Variants in ZNF138 observed in about 807,000 individuals in gnomAD.
The protein encoded by ZNF138 is zinc finger protein 138.
In ZNF138, 33 loss-of-function variants were observed where a neutral mutation model predicts 33.0. The ratio of observed to expected loss-of-function variants is 1.00; its 90% CI spans 0.76 to 1.34. ZNF138 has a LOEUF of 1.34. ZNF138 is among the 40% of genes most tolerant of loss of function. The pLI is 0.00. For synonymous variants in ZNF138, 139 were observed against 120.4 expected (o/e 1.15, Z -1.01); for missense variants, 360 against 370.8 (o/e 0.97, Z 0.24).
chr7:64,857,724 AAACAGTGCTTTGGGCAAAAT>A, the ZNF138 span, among the ~76,000 whole-genome samples: 2 of 152,206 alleles, frequency 1.3e-5, no homozygotes, highest in Non-Finnish European at 2.9e-5. Context: ...AATTAAAAAA[AAACAGTGCTTTGGGCAAAAT>A]AACAGTGGCA....
downstream of ZNF138, chr7:64,835,646 A>T (rs746017617): frequency 5.3e-5 from 8 of 152,148 alleles, no homozygotes; most frequent in Admixed American, 5.2e-4. Flanking sequence ...AAGAATAAAC[A>T]TGTCCCTCCT....
intron 3 of ZNF138, among the ~76,000 whole-genome samples, chr7:64,817,510 T>G (rs901446786): frequency 1.3e-5 from 2 of 152,174 alleles, no homozygotes; most frequent in Non-Finnish European, 1.5e-5. Flanking sequence ...AGAGCTCTCT[T>G]AAAAACACTT....
chr7:64,794,793 G>A (rs552697564), intron 1 of ZNF138, among the ~76,000 whole-genome samples: 1 of 152,146 alleles, frequency 6.6e-6, no homozygotes. Context: ...CAGTGACTGT[G>A]CCCTGGCCTG....
intron 1 of ZNF138, among the ~76,000 whole-genome samples, chr7:64,803,979 G>A (rs573994567): frequency 3.3e-5 from 5 of 152,238 alleles, no homozygotes; most frequent in South Asian, 2.1e-4. Context: ...CCCAAAAACC[G>A]TAATAGCTCT....
chr7:64,838,423 G>C (rs1179525747), downstream of ZNF138, among the ~76,000 whole-genome samples: 1 of 151,876 alleles, frequency 6.6e-6, no homozygotes, highest in Non-Finnish European at 1.5e-5. Context: ...GCCGTGTCCT[G>C]AGTTGCCGCA....
chr7:64,811,688 C>T (rs1194117381), intron 1 of ZNF138, among the ~76,000 whole-genome samples: 2 of 152,238 alleles, frequency 1.3e-5, no homozygotes, highest in South Asian at 4.1e-4. Context: ...AAAGAGCCAG[C>T]AAAAAATATG....
At chr7:64,811,964 G>T (rs931563564) in intron 1 of ZNF138, among the ~76,000 whole-genome samples, 1 of 152,062 alleles carries the variant, frequency 6.6e-6, no homozygotes, top group African/African-American at 2.4e-5. Context: ...TTAGCTAAAT[G>T]GTTATTAGCC....
chr7:64,805,482 T>G (rs6965217), intron 1 of ZNF138, among the ~76,000 whole-genome samples: 150,035 of 152,242 alleles, frequency 0.99, 73,968 homozygotes, highest in East Asian at 1. Context: ...TACCTAGGAG[T>G]CCTGCAGGCT....
At chr7:64,810,134 C>A (rs1304805371) in intron 1 of ZNF138, among the ~76,000 whole-genome samples, 2 of 63,856 alleles carry the variant, frequency 3.1e-5, no homozygotes, top group Non-Finnish European at 6.0e-5. Context: ...TGTAGCGAGC[C>A]CAGATCACGC....
chr7:64,797,217 A>C (rs1227022592), intron 1 of ZNF138, among the ~76,000 whole-genome samples: 1 of 152,126 alleles, frequency 6.6e-6, no homozygotes, highest in African/African-American at 2.4e-5. Context: ...GTTAATGCTA[A>C]ATTTTTTAAG....
intron 1 of ZNF138, among the ~76,000 whole-genome samples, chr7:64,804,181 G>A (rs979742058): frequency 6.6e-5 from 10 of 152,170 alleles, no homozygotes; most frequent in Admixed American, 2.6e-4. Flanking sequence ...CAGACAGCCC[G>A]GCGCCACACC....
At chr7:64,841,371 C>T in the ZNF138 span, among the ~76,000 whole-genome samples, 2 of 152,124 alleles carry the variant, frequency 1.3e-5, no homozygotes, top group East Asian at 1.9e-4. Context: ...GATAAGAACT[C>T]GGGATGCTTC....
At chr7:64,819,614 C>T (rs969329957) in intron 3 of ZNF138, among the ~76,000 whole-genome samples, 4 of 152,060 alleles carry the variant, frequency 2.6e-5, no homozygotes, top group Non-Finnish European at 5.9e-5. Flanking sequence ...GGCAATCTGC[C>T]CGCCTCATCT....
At chr7:64,805,604 CTCAAGGGAAGATGGTAAAAG>C (rs1228852963) in intron 1 of ZNF138, among the ~76,000 whole-genome samples, 2 of 152,134 alleles carry the variant, frequency 1.3e-5, no homozygotes, top group Non-Finnish European at 2.9e-5. Context: ...TGGGCTGTGT[CTCAAGGGAAGATGGTAAAAG>C]TCAAGAGAGG....
Position 64,831,675 on chromosome 7 carries a change from G to A in ZNF138, c.433G>A (p.Val145Ile). The A allele has an allele frequency of 6.2e-7, 1 of 1,608,344 alleles. No individual in the cohort carries two copies. The highest frequency in any genetic ancestry group is 1.3e-5 in the African/African-American group (1 of 74,664). ...TSKIFQCNKY[V>I]KVMHKFSNSN... is the part of the protein sequence containing the mutation. ...CAAAATATTTCAATGTAATAAATAT[G>A]TAAAAGTCATGCATAAATTTTCAAA... Residue 145 changes from valine (V) to isoleucine (I), a missense_variant, in exon 4 of 4, where the codon GTA (valine) becomes ATA (isoleucine). Val to Ile is a conservative substitution (Grantham distance 29). Transcript: ENST00000307355.
chr7:64,798,699 A>G (rs1203559293), intron 1 of ZNF138, among the ~76,000 whole-genome samples: 1 of 151,934 alleles, frequency 6.6e-6, no homozygotes, highest in African/African-American at 2.4e-5. Context: ...GAAACGCTTG[A>G]ACCTGGAGGC....
At chr7:64,810,410 T>A (rs1414881325) in intron 1 of ZNF138, among the ~76,000 whole-genome samples, 1 of 86,314 alleles carries the variant, frequency 1.2e-5, no homozygotes, top group Non-Finnish European at 2.1e-5. Context: ...CAGTCCAGCT[T>A]CGGCTCAGCA....
the ZNF138 span, among the ~76,000 whole-genome samples, chr7:64,839,572 T>C: frequency 6.6e-6 from 1 of 152,036 alleles, no homozygotes; most frequent in African/African-American, 2.4e-5. Context: ...TGCGCATGAC[T>C]CTCGGCCAGG....
chr7:64,815,000 A>C lies in ZNF138; in HGVS notation c.86A>C (p.Tyr29Ser). ...QCLDTAQRNV[Y>S]RHVMLENYRN... Reference sequence around the variant, plus strand: ...CTGGACACTGCACAGCGGAATGTATATAGGCATGTGATGTTAGAGAACTAC... The same window carrying C: ...CTGGACACTGCACAGCGGAATGTATCTAGGCATGTGATGTTAGAGAACTAC... The change falls in exon 2 of 4, where the codon TAT becomes TCT. Residue 29 changes from tyrosine to serine, a missense_variant. Tyr to Ser is a moderately radical substitution (Grantham distance 144, BLOSUM62 -2). Coordinates refer to ENST00000307355, the MANE Select transcript of ZNF138 (RefSeq NM_001271639.2). 6.2e-7 allele frequency: 1 copy of C among 1,612,924 alleles called. No individual in the cohort carries two copies. The highest frequency in any genetic ancestry group is 8.5e-7 in the Non-Finnish European group (1 of 1,179,350).
Sources: gnomAD v4.1 joint callset for allele counts (sites outside exome capture counted in the v4.1 genomes callset) on GRCh38, gnomAD v4.1.1 for gene constraint, MANE v1.5 for transcripts, NCBI Gene and HGNC (gene_info 2026-07-23, HGNC 2026-07-21) for gene names.